Variants in EML4 observed in about 807,000 individuals in gnomAD.
The protein encoded by EML4 is echinoderm microtubule-associated protein-like 4.
A neutral mutation model predicts 129.0 loss-of-function variants in EML4; 72 were observed. That is an observed-to-expected ratio of 0.56 (90% CI 0.46 to 0.68). The LOEUF (loss-of-function observed/expected upper bound fraction) is 0.68, where lower values mean the gene tolerates loss of function less well. EML4 is among the 30% of genes least tolerant of loss of function. The pLI is 0.00. For synonymous variants in EML4, 532 were observed against 405.0 expected, an observed-to-expected ratio of 1.31 and a Z score of -3.77; for missense variants, 1,363 against 1,190.6, an observed-to-expected ratio of 1.14 and a Z score of -2.13.
chr2:42,303,115 G>A lies in EML4; in HGVS notation c.1653G>A (p.Gln551=), dbSNP rs200267566. The stretch of plus-strand genomic sequence containing the variant: ...ACTTTTTTTTCTAGGTTCCTGATCA[G>A]TATGGCACAATCAGAGCTGTAGCAG... ...NPEREIEVPD[Q]YGTIRAVAEG... is the part of the protein sequence containing the mutation. The change falls in exon 15 of 23, where the codon CAG becomes CAA. Residue 551 remains glutamine (Q), a synonymous_variant. Transcript: ENST00000318522. 7.4e-6 allele frequency: 12 copies of A among 1,613,904 alleles called. No individual in the cohort carries two copies. The highest frequency in any genetic ancestry group is 5.1e-6 in the Non-Finnish European group (6 of 1,180,006).
In EML4 at chr2:42,332,305, G is replaced by A. The variant is rs894695805; in HGVS notation, c.*2098G>A. On this transcript the variant is annotated 3_prime_UTR_variant, in exon 23 of 23. Coordinates refer to ENST00000318522, the MANE Select transcript of EML4 (RefSeq NM_019063.5). ...TAGTTTCAAAAGACACTACTAATAC[G>A]CAGGAAGCGTTCCAGCTATTTAATG... 5 of 211,550 alleles carry A rather than the reference G, an allele frequency of 2.4e-5. No individual in the cohort carries two copies. Among genetic ancestry groups the A allele is most frequent in the African/African-American group, 4.5e-5 (2 of 44,030 alleles). 13.1% of individuals were successfully genotyped at this position (211,550 alleles called of 1,614,324 possible).
intron 1 of EML4, among the ~76,000 whole-genome samples, chr2:42,184,793 C>T (rs1671150166): frequency 6.6e-6 from 1 of 152,036 alleles, no homozygotes; most frequent in Non-Finnish European, 1.5e-5. Context: ...GCCTTATGTT[C>T]TTAAGTCATA....
At chr2:42,169,700 C>T in intron 1 of EML4, 64 bp downstream of exon 1, 1 of 1,557,072 alleles carries the variant, frequency 6.4e-7, no homozygotes, top group Non-Finnish European at 8.7e-7. Flanking sequence ...CTTCCGCACA[C>T]AGCCCAGGCC....
At chr2:42,195,675 T>G (rs756445683) in intron 1 of EML4, among the ~76,000 whole-genome samples, 2 of 152,222 alleles carry the variant, frequency 1.3e-5, no homozygotes, top group African/African-American at 4.8e-5. Context: ...TTGAATTATA[T>G]TACTCTGTTA....
chr2:42,169,438 G>A lies in EML4; in HGVS notation c.-174G>A, dbSNP rs1450266775. ...TCAACGTGACGGGGAAGTGGTTCGG[G>A]CGGCCGCGGCTTACTACCCCAGGGC... On this transcript the variant is annotated 5_prime_UTR_variant, in exon 1 of 23. Coordinates refer to ENST00000318522, the MANE Select transcript of EML4 (RefSeq NM_019063.5). 6 of 587,094 alleles carry A rather than the reference G, an allele frequency of 1.0e-5. No homozygotes were observed. The highest frequency in any genetic ancestry group is 3.8e-5 in the Admixed American group (1 of 26,180). The allele number at this position is 587,094 out of a possible 1,614,324, so 36.4% of individuals were successfully genotyped here. A position where few individuals can be genotyped will look rare whatever the true frequency, so the allele number is the denominator to read the frequency against.
At chr2:42,309,590 A>C (rs927292434) in intron 17 of EML4, among the ~76,000 whole-genome samples, 2 of 151,982 alleles carry the variant, frequency 1.3e-5, no homozygotes, top group African/African-American at 4.8e-5. Context: ...TAGCCATCCT[A>C]GTGGGTGTGA....
At chr2:42,215,150 C>G (rs989139170) in intron 1 of EML4, among the ~76,000 whole-genome samples, 1 of 152,158 alleles carries the variant, frequency 6.6e-6, no homozygotes, top group Non-Finnish European at 1.5e-5. Flanking sequence ...GCTTCAACCT[C>G]TCAGTCTCAA....
At chr2:42,194,404 CA>C (rs1287686587) in intron 1 of EML4, among the ~76,000 whole-genome samples, 1 of 137,872 alleles carries the variant, frequency 7.3e-6, no homozygotes, top group Non-Finnish European at 1.5e-5. Flanking sequence ...ACTATGGAAA[CA>C]AATTTTTTGT....
At chr2:42,194,522 C>T (rs1197177109) in intron 1 of EML4, among the ~76,000 whole-genome samples, 1 of 141,426 alleles carries the variant, frequency 7.1e-6, no homozygotes, top group Non-Finnish European at 1.6e-5. Context: ...TTTTTTATTT[C>T]TTTTTTTTTT....
intron 1 of EML4, among the ~76,000 whole-genome samples, chr2:42,243,173 A>G (rs1000474446): frequency 2.0e-5 from 3 of 152,190 alleles, no homozygotes; most frequent in Non-Finnish European, 2.9e-5. Flanking sequence ...GAAGCATCAT[A>G]GATTGACAGC....
chr2:42,193,894 T>C (rs1334103857), intron 1 of EML4, among the ~76,000 whole-genome samples: 2 of 152,104 alleles, frequency 1.3e-5, no homozygotes, highest in African/African-American at 4.8e-5. Context: ...CTATGTTGCC[T>C]GTACTGTCTG....
chr2:42,220,558 C>G (rs1673522336), intron 1 of EML4, among the ~76,000 whole-genome samples: 1 of 152,122 alleles, frequency 6.6e-6, no homozygotes, highest in African/African-American at 2.4e-5. Context: ...CTCCTCAGGC[C>G]TCCCTATTCC....
intron 1 of EML4, among the ~76,000 whole-genome samples, chr2:42,219,665 C>G (rs979727690): frequency 7.2e-5 from 11 of 152,062 alleles, no homozygotes; most frequent in African/African-American, 1.7e-4. Flanking sequence ...CGCCTGTAAT[C>G]CCAGGATTTT....
intron 13 of EML4, among the ~76,000 whole-genome samples, chr2:42,296,113 T>C (rs1041478102): frequency 2.6e-5 from 4 of 152,120 alleles, no homozygotes; most frequent in African/African-American, 9.7e-5. Context: ...ACATGGAAAA[T>C]AACCTTTTTT....
At chr2:42,171,111 T>A (rs969537357) in intron 1 of EML4, among the ~76,000 whole-genome samples, 3 of 152,200 alleles carry the variant, frequency 2.0e-5, no homozygotes, top group African/African-American at 7.2e-5. Context: ...TTGTAATTCC[T>A]TACTTAGGTT....
chr2:42,314,496 A>G (rs980220911), intron 17 of EML4, among the ~76,000 whole-genome samples: 2 of 152,230 alleles, frequency 1.3e-5, no homozygotes, highest in Admixed American at 1.3e-4. Flanking sequence ...CAGAATTTAT[A>G]TGTGAATACT....
intron 10 of EML4, among the ~76,000 whole-genome samples, chr2:42,286,789 T>C (rs190113506): frequency 9.8e-5 from 15 of 152,350 alleles, no homozygotes; most frequent in Admixed American, 2.0e-4. Flanking sequence ...TGTACAAATA[T>C]TGGCTTTTCT....
intron 1 of EML4, among the ~76,000 whole-genome samples, chr2:42,171,753 T>C (rs1340023377): frequency 6.6e-6 from 1 of 152,170 alleles, no homozygotes; most frequent in African/African-American, 2.4e-5. Context: ...TGGCAGTATT[T>C]CTGGAGCTGT....
chr2:42,211,383 T>A (rs142379932), intron 1 of EML4, among the ~76,000 whole-genome samples: 1,565 of 152,154 alleles, frequency 0.01, 30 homozygotes, highest in African/African-American at 0.036. Flanking sequence ...TGAAGGTAGG[T>A]TATTGGGTAG....
Sources: allele counts gnomAD v4.1 joint callset (sites outside exome capture counted in the v4.1 genomes callset), GRCh38; gene constraint gnomAD v4.1.1; transcripts MANE v1.5; gene names NCBI Gene and HGNC (gene_info 2026-07-23, HGNC 2026-07-21).